AMMECR1: variants seen among roughly 807,000 people sequenced by gnomAD.
AMMECR1 encodes nuclear protein AMMECR1.
AMMECR1 carries 3 observed loss-of-function variants against 22.5 expected under a neutral mutation model. The ratio of observed to expected loss-of-function variants is 0.13; its 90% CI spans 0.06 to 0.35. AMMECR1 has a LOEUF of 0.35. AMMECR1 is among the 10% of genes least tolerant of loss of function. AMMECR1 has a pLI of 1.00. For synonymous variants in AMMECR1, 130 were observed against 116.7 expected, an observed-to-expected ratio of 1.11 and a Z score of -0.74; for missense variants, 235 against 278.7, an observed-to-expected ratio of 0.84 and a Z score of 1.12.
intron 2 of AMMECR1, among the ~76,000 whole-genome samples, chrX:110,223,644 C>T (rs2067516198): frequency 9.0e-6 from 1 of 111,574 alleles, no homozygotes; most frequent in African/African-American, 3.3e-5. Flanking sequence ...AATGAACCAC[C>T]TCTTGAACTG....
intron 1 of AMMECR1, among the ~76,000 whole-genome samples, chrX:110,286,190 A>G (rs1464668689): frequency 1.8e-5 from 2 of 111,900 alleles, no homozygotes; most frequent in Non-Finnish European, 3.8e-5. Context: ...ACAATGGGAC[A>G]AAATGAAATC....
In AMMECR1 at chrX:110,336,348, A is replaced by T. The variant is rs149275335; in HGVS notation, c.-147-18499T>A. ...GGTGGTACATGAGATGATTTTAGGT[A>T]CTCGTAGATGAACATTATTTATTTT... On this transcript the variant is annotated intron_variant, in intron 2 of 7. Transcript: ENST00000372057. 1.2e-3 allele frequency among the ~76,000 whole-genome samples: 129 copies of T among 110,500 alleles called. 4 individuals carry two copies. The East Asian group carries it at 0.03, about 26-fold the overall frequency.
chrX:110,387,857 C>CTTTTTTTT (rs57937918), intron 2 of AMMECR1, among the ~76,000 whole-genome samples: 2 of 82,800 alleles, frequency 2.4e-5, no homozygotes, highest in African/African-American at 5.3e-5. Flanking sequence ...CTCCCTCTCT[C>CTTTTTTTT]TTTTTTTTTT....
At chrX:110,376,835 A>T (rs1400309185) in intron 2 of AMMECR1, among the ~76,000 whole-genome samples, 1 of 112,271 alleles carries the variant, frequency 8.9e-6, no homozygotes, top group Non-Finnish European at 1.9e-5. Flanking sequence ...TGTATCTGGC[A>T]CTGGGTAAGC....
upstream of AMMECR1, among the ~76,000 whole-genome samples, chrX:110,319,365 T>C (rs1432464009): frequency 8.9e-6 from 1 of 112,166 alleles, no homozygotes; most frequent in African/African-American, 3.2e-5. Context: ...TTTTTCTACA[T>C]GCGTGGGATC....
intron 2 of AMMECR1, among the ~76,000 whole-genome samples, chrX:110,422,840 C>T (rs1045336740): frequency 8.9e-6 from 1 of 112,138 alleles, no homozygotes; most frequent in African/African-American, 3.2e-5. Context: ...ATTCTGTTGC[C>T]TTGGCGAACA....
chrX:110,435,361 C>T (rs2068830931), intron 1 of AMMECR1, among the ~76,000 whole-genome samples: 1 of 112,008 alleles, frequency 8.9e-6, no homozygotes, highest in Admixed American at 9.4e-5. Context: ...TACAGTGACC[C>T]CTGGAGCACT....
intron 2 of AMMECR1, among the ~76,000 whole-genome samples, chrX:110,422,672 A>G (rs927472870): frequency 2.7e-5 from 3 of 112,394 alleles, no homozygotes; most frequent in African/African-American, 9.7e-5. Context: ...AAAAATGACA[A>G]CCTTGTTGGG....
chrX:110,434,328 C>T (rs972181762), intron 1 of AMMECR1, among the ~76,000 whole-genome samples: 3 of 111,294 alleles, frequency 2.7e-5, no homozygotes, highest in Non-Finnish European at 3.8e-5. Flanking sequence ...AAGGCAGATT[C>T]GGGACAGACT....
chrX:110,363,852 C>T (rs1386480305), intron 2 of AMMECR1, among the ~76,000 whole-genome samples: 2 of 111,571 alleles, frequency 1.8e-5, no homozygotes, highest in East Asian at 2.8e-4. Context: ...ATTTAATCCT[C>T]AAGGCAACTC....
intron 2 of AMMECR1, among the ~76,000 whole-genome samples, chrX:110,327,937 G>A (rs1267265500): frequency 5.4e-5 from 6 of 111,781 alleles, no homozygotes; most frequent in Non-Finnish European, 1.1e-4. Flanking sequence ...AGAAAAGAAT[G>A]ATAACTGATC....
intron 2 of AMMECR1, among the ~76,000 whole-genome samples, chrX:110,240,134 A>G (rs1484807416): frequency 1.8e-5 from 2 of 111,191 alleles, no homozygotes; most frequent in African/African-American, 6.5e-5. Context: ...TGACACTATG[A>G]AGAAACTGCA....
At chrX:110,307,864 CTTTTTT>C (rs1162615101) in intron 1 of AMMECR1, among the ~76,000 whole-genome samples, 3 of 63,619 alleles carry the variant, frequency 4.7e-5, no homozygotes, top group African/African-American at 1.9e-4. Context: ...TTTTTTTTTT[CTTTTTT>C]TTTTTTTTTT....
chrX:110,272,133 G>A (rs1014465412), intron 1 of AMMECR1, among the ~76,000 whole-genome samples: 1 of 110,061 alleles, frequency 9.1e-6, no homozygotes, highest in Non-Finnish European at 1.9e-5. Flanking sequence ...GGAGAATGGC[G>A]TGAACCCAGA....
intron 3 of AMMECR1, among the ~76,000 whole-genome samples, chrX:110,203,503 C>T (rs895012171): frequency 9.0e-6 from 1 of 111,322 alleles, no homozygotes; most frequent in South Asian, 3.7e-4. Flanking sequence ...ATAATAAAAA[C>T]GAAATTTCAA....
intron 2 of AMMECR1, among the ~76,000 whole-genome samples, chrX:110,236,120 C>T (rs191024940): frequency 9.0e-5 from 10 of 111,649 alleles, no homozygotes; most frequent in Non-Finnish European, 1.5e-4. Context: ...AAACTTTTCA[C>T]GAATAAGTAG....
At chrX:110,400,494 A>T (rs781142675) in intron 2 of AMMECR1, among the ~76,000 whole-genome samples, 28 of 109,474 alleles carry the variant, frequency 2.6e-4, no homozygotes, top group Middle Eastern at 4.2e-3. Context: ...GTAATACCCT[A>T]CCTCTTCTGA....
intron 3 of AMMECR1, among the ~76,000 whole-genome samples, chrX:110,208,543 C>T (rs1333989133): frequency 8.9e-6 from 1 of 111,866 alleles, no homozygotes; most frequent in Non-Finnish European, 1.9e-5. Context: ...AGGAGACAGA[C>T]TACTTGTCTA....
chrX:110,356,277 A>G (rs2068229962), intron 2 of AMMECR1, among the ~76,000 whole-genome samples: 1 of 106,843 alleles, frequency 9.4e-6, no homozygotes, highest in African/African-American at 3.4e-5. Flanking sequence ...CACAGCCTCC[A>G]GAGTAGATGG....
Sources: gnomAD v4.1 joint callset for allele counts (sites outside exome capture counted in the v4.1 genomes callset) on GRCh38, gnomAD v4.1.1 for gene constraint, MANE v1.5 for transcripts, NCBI Gene and HGNC (gene_info 2026-07-23, HGNC 2026-07-21) for gene names.